MACROD2: variants seen among roughly 807,000 people sequenced by gnomAD.
MACROD2 encodes mono-ADP ribosylhydrolase 2.
A neutral mutation model predicts 70.4 loss-of-function variants in MACROD2; 36 were observed. The ratio of observed to expected loss-of-function variants is 0.51; its 90% CI spans 0.39 to 0.68. The LOEUF (loss-of-function observed/expected upper bound fraction) is 0.68, where lower values mean the gene tolerates loss of function less well. Ranked by LOEUF, MACROD2 falls within the 30% of genes least tolerant of loss-of-function variation. The probability of loss-of-function intolerance (pLI) is 0.00; values close to 1 mark genes in which losing one functional copy is unlikely to be tolerated. For synonymous variants in MACROD2, 172 were observed against 178.8 expected, an observed-to-expected ratio of 0.96 and a Z score of 0.30; for missense variants, 496 against 538.4, an observed-to-expected ratio of 0.92 and a Z score of 0.78.
intron 8 of MACROD2, among the ~76,000 whole-genome samples, chr20:15,642,597 AACACACAC>A (rs56698663): frequency 0.094 from 13,778 of 146,612 alleles, 1,028 homozygotes; most frequent in African/African-American, 0.2. Flanking sequence ...ACCTGTCATG[AACACACAC>A]ACACACACAC....
intron 3 of MACROD2, among the ~76,000 whole-genome samples, chr20:14,491,952 A>T (rs964597380): frequency 2.6e-5 from 4 of 152,176 alleles, no homozygotes; most frequent in African/African-American, 9.7e-5. Flanking sequence ...TTATAAATGC[A>T]TGTAGCTAAG....
chr20:16,035,197 T>TAATATAA (rs1209061577), intron 15 of MACROD2, among the ~76,000 whole-genome samples: 1,454 of 126,626 alleles, frequency 0.011, 89 homozygotes, highest in Non-Finnish European at 0.017. Flanking sequence ...ATATAAAATA[T>TAATATAA]AATATAAAAT....
intron 5 of MACROD2, among the ~76,000 whole-genome samples, chr20:15,021,239 C>CGTGTGTATA (rs2075175574): frequency 9.1e-5 from 7 of 76,836 alleles, no homozygotes. Flanking sequence ...TATACACACA[C>CGTGTGTATA]CTGTGTGTAT....
At chr20:14,516,299 T>C (rs1226016875) in intron 4 of MACROD2, among the ~76,000 whole-genome samples, 1 of 152,112 alleles carries the variant, frequency 6.6e-6, no homozygotes, top group Admixed American at 6.6e-5. Context: ...AGAAGCTCTT[T>C]AGTTTAATTA....
chr20:15,557,068 A>T (rs2048177979), intron 8 of MACROD2, among the ~76,000 whole-genome samples: 1 of 152,232 alleles, frequency 6.6e-6, no homozygotes, highest in Admixed American at 6.5e-5. Context: ...ATAATTAAAG[A>T]GGAATTGGCA....
chr20:15,257,167 T>C (rs776436609), intron 6 of MACROD2, among the ~76,000 whole-genome samples: 5 of 152,078 alleles, frequency 3.3e-5, no homozygotes, highest in South Asian at 2.1e-4. Flanking sequence ...TGCCTGCACA[T>C]GTAATCTTTC....
At chr20:15,706,544 G>A (rs2050534940) in intron 8 of MACROD2, among the ~76,000 whole-genome samples, 1 of 152,070 alleles carries the variant, frequency 6.6e-6, no homozygotes, top group South Asian at 2.1e-4. Flanking sequence ...AAAAATGAAG[G>A]AACATAAAAT....
chr20:14,137,318 A>G (rs574208222), intron 3 of MACROD2, among the ~76,000 whole-genome samples: 3 of 152,234 alleles, frequency 2.0e-5, no homozygotes, highest in Non-Finnish European at 4.4e-5. Context: ...AGTCATAAGG[A>G]CTTATAAGGA....
At chr20:15,560,005 C>T (rs1264543922) in intron 8 of MACROD2, among the ~76,000 whole-genome samples, 1 of 152,184 alleles carries the variant, frequency 6.6e-6, no homozygotes, top group Non-Finnish European at 1.5e-5. Context: ...AACTGCAATA[C>T]TTTTTATTTA....
chr20:15,937,532 T>G lies in MACROD2; in HGVS notation c.895T>G (p.Cys299Gly), dbSNP rs1402793086. ...GPASEEAVED[C>G]KDEDFAKDEN... ...TGCTTCAGAAGAGGCAGTTGAAGACTGTAAAGATGAAGGTATGAGGCTACT... is the reference window on the plus strand; with the variant it reads ...TGCTTCAGAAGAGGCAGTTGAAGACGGTAAAGATGAAGGTATGAGGCTACT... The change falls in exon 12 of 18, where the codon TGT becomes GGT. Residue 299 changes from cysteine (C) to glycine (G), a missense_variant. Cys to Gly is a radical substitution (Grantham distance 159, BLOSUM62 -3). Transcript: ENST00000684519. 6.2e-7 allele frequency: 1 copy of G among 1,613,240 alleles called. No homozygotes were observed. Among genetic ancestry groups the G allele is most frequent in the Non-Finnish European group, 8.5e-7 (1 of 1,179,360 alleles).
chr20:14,515,465 G>GCGCACACACACACACACACACACACA, intron 4 of MACROD2, among the ~76,000 whole-genome samples: 1 of 127,066 alleles, frequency 7.9e-6, no homozygotes, highest in Non-Finnish European at 1.7e-5. Flanking sequence ...ACACACACAC[G>GCGCACACACACACACACACACACACA]CACACACACA....
intron 8 of MACROD2, among the ~76,000 whole-genome samples, chr20:15,560,274 G>A (rs948919895): frequency 6.6e-6 from 1 of 152,090 alleles, no homozygotes; most frequent in East Asian, 1.9e-4. Flanking sequence ...AGGAAATTTA[G>A]GTGAGTTTCT....
At chr20:14,394,176 G>T (rs1237577100) in intron 3 of MACROD2, among the ~76,000 whole-genome samples, 1 of 152,126 alleles carries the variant, frequency 6.6e-6, no homozygotes, top group Non-Finnish European at 1.5e-5. Flanking sequence ...AATTGAGATT[G>T]TGTTGAATTT....
At chr20:14,851,373 A>G (rs1037014935) in intron 5 of MACROD2, among the ~76,000 whole-genome samples, 1 of 152,184 alleles carries the variant, frequency 6.6e-6, no homozygotes, top group African/African-American at 2.4e-5. Context: ...TTACAATGGA[A>G]TATGAGGACG....
At chr20:14,101,687 G>A (rs1271207639) in intron 3 of MACROD2, among the ~76,000 whole-genome samples, 1 of 151,646 alleles carries the variant, frequency 6.6e-6, no homozygotes, top group Non-Finnish European at 1.5e-5. Flanking sequence ...TTTGACCCCT[G>A]TATCTCTGCT....
intron 8 of MACROD2, among the ~76,000 whole-genome samples, chr20:15,788,803 A>G (rs1473339344): frequency 6.6e-6 from 1 of 152,210 alleles, no homozygotes; most frequent in Non-Finnish European, 1.5e-5. Flanking sequence ...ACCTATAATA[A>G]GTAAAGATAT....
intron 8 of MACROD2, among the ~76,000 whole-genome samples, chr20:15,649,195 CTTCTTTCTTTCCTTCT>C (rs869147159): frequency 2.1e-5 from 2 of 93,518 alleles, no homozygotes; most frequent in South Asian, 4.8e-4. Context: ...TTTTTCCTTT[CTTCTTTCTTTCCTTCT>C]TTCTTTCTTT....
intron 3 of MACROD2, among the ~76,000 whole-genome samples, chr20:14,291,583 G>A (rs537535229): frequency 1.3e-5 from 2 of 151,894 alleles, no homozygotes; most frequent in Non-Finnish European, 2.9e-5. Flanking sequence ...CCATAAAAAA[G>A]TTGAAACTGT....
At chr20:14,608,161 C>T (rs1422063036) in intron 4 of MACROD2, among the ~76,000 whole-genome samples, 2 of 152,034 alleles carry the variant, frequency 1.3e-5, no homozygotes, top group African/African-American at 4.8e-5. Flanking sequence ...GAGGCTGAGG[C>T]AGGAGAATCA....
Sources: allele counts gnomAD v4.1 joint callset (sites outside exome capture counted in the v4.1 genomes callset), GRCh38; gene constraint gnomAD v4.1.1; transcripts MANE v1.5; gene names NCBI Gene and HGNC (gene_info 2026-07-23, HGNC 2026-07-21).